Variants in NALF1 observed in about 807,000 individuals in gnomAD.
NALF1 encodes family with sequence similarity 155 member A.
Under a neutral mutation model 48.4 loss-of-function variants are expected in NALF1, and 3 were observed. That is an observed-to-expected ratio of 0.06 (90% CI 0.03 to 0.16). The LOEUF is 0.16. Among genes scored for constraint, NALF1 ranks in the 10% least tolerant of loss-of-function variants. The pLI, the probability that NALF1 is intolerant of heterozygous loss-of-function variation, is 1.00. For synonymous variants in NALF1, 262 were observed against 245.7 expected (o/e 1.07, Z -0.62); for missense variants, 526 against 571.5 (o/e 0.92, Z 0.81).
intron 1 of NALF1, among the ~76,000 whole-genome samples, chr13:107,664,976 CA>C (rs55837081): frequency 0.57 from 85,719 of 149,180 alleles, 25,182 homozygotes; most frequent in African/African-American, 0.73. Flanking sequence ...GAAAGTGAAA[CA>C]AAAAAAAAAT....
At chr13:107,605,580 A>G (rs890351340) in intron 1 of NALF1, among the ~76,000 whole-genome samples, 29 of 152,168 alleles carry the variant, frequency 1.9e-4, no homozygotes, top group African/African-American at 7.0e-4. Context: ...AAAAAAGATT[A>G]AAGAAAGCAG....
At chr13:107,654,143 T>C (rs1880517513) in intron 1 of NALF1, among the ~76,000 whole-genome samples, 1 of 151,940 alleles carries the variant, frequency 6.6e-6, no homozygotes, top group Admixed American at 6.6e-5. Context: ...ATTAGTGAGA[T>C]TATCCAAGAA....
intron 1 of NALF1, among the ~76,000 whole-genome samples, chr13:107,738,755 C>T (rs994081387): frequency 1.3e-5 from 2 of 150,238 alleles, no homozygotes; most frequent in Admixed American, 1.3e-4. Flanking sequence ...CAACCTCTGC[C>T]TCCTGGGGTC....
intron 1 of NALF1, among the ~76,000 whole-genome samples, chr13:107,443,475 C>A (rs955489503): frequency 2.0e-5 from 3 of 152,172 alleles, no homozygotes; most frequent in African/African-American, 4.8e-5. Context: ...CCTCGGCCTC[C>A]CATAGTGCTG....
intron 1 of NALF1, among the ~76,000 whole-genome samples, chr13:107,318,422 C>T (rs1444018948): frequency 6.6e-6 from 1 of 152,092 alleles, no homozygotes; most frequent in East Asian, 1.9e-4. Flanking sequence ...GTAATTCATT[C>T]TGCGGTGAGC....
At chr13:107,369,297 AT>A (rs1883207733) in intron 1 of NALF1, among the ~76,000 whole-genome samples, 1 of 152,194 alleles carries the variant, frequency 6.6e-6, no homozygotes. Flanking sequence ...CTATAAAAAA[AT>A]CTCAGTATCT....
chr13:107,751,228 A>T (rs1048191125), intron 1 of NALF1, among the ~76,000 whole-genome samples: 9 of 152,350 alleles, frequency 5.9e-5, no homozygotes, highest in Middle Eastern at 3.4e-3. Flanking sequence ...ACAACAAAAC[A>T]TCCAAATGTG....
intron 1 of NALF1, among the ~76,000 whole-genome samples, chr13:107,676,414 G>C (rs1881124394): frequency 6.6e-6 from 1 of 152,058 alleles, no homozygotes; most frequent in Non-Finnish European, 1.5e-5. Context: ...GCTTCCTTTA[G>C]GCATAGGACA....
At chr13:107,456,829 G>C (rs1884832410) in intron 1 of NALF1, among the ~76,000 whole-genome samples, 1 of 152,114 alleles carries the variant, frequency 6.6e-6, no homozygotes. Flanking sequence ...ATTTCCTTAA[G>C]AGGTAAGAGT....
At chr13:107,322,960 T>C (rs556294186) in intron 1 of NALF1, among the ~76,000 whole-genome samples, 44 of 152,294 alleles carry the variant, frequency 2.9e-4, no homozygotes, top group Middle Eastern at 3.4e-3. Context: ...CACCTGGATA[T>C]ACCCAGAGCT....
intron 1 of NALF1, among the ~76,000 whole-genome samples, chr13:107,591,760 A>G (rs536112361): frequency 4.7e-4 from 72 of 152,188 alleles, no homozygotes; most frequent in African/African-American, 1.6e-3. Flanking sequence ...GCGAAGATAT[A>G]TTTAACTCAA....
chr13:107,754,054 T>G (rs1436464003), intron 1 of NALF1, among the ~76,000 whole-genome samples: 1 of 152,152 alleles, frequency 6.6e-6, no homozygotes, highest in Non-Finnish European at 1.5e-5. Context: ...AAAGAGATTT[T>G]CTCTAATCCA....
chr13:107,348,849 C>T (rs923268360), intron 1 of NALF1, among the ~76,000 whole-genome samples: 1 of 152,186 alleles, frequency 6.6e-6, no homozygotes, highest in African/African-American at 2.4e-5. Flanking sequence ...ACAATTCAAC[C>T]ATAACACCTT....
chr13:107,788,184 T>C (rs2138584651), intron 1 of NALF1, among the ~76,000 whole-genome samples: 1 of 152,306 alleles, frequency 6.6e-6, no homozygotes, highest in South Asian at 2.1e-4. Flanking sequence ...CATCCTATCA[T>C]CCCAAAATTA....
intron 1 of NALF1, among the ~76,000 whole-genome samples, chr13:107,685,989 C>T (rs1284455191): frequency 6.6e-6 from 1 of 152,172 alleles, no homozygotes; most frequent in African/African-American, 2.4e-5. Flanking sequence ...ATATCATTTA[C>T]GATGGTGCCA....
rs397838456 is a variant in NALF1 at position 107,271,774 on chromosome 13, CTATATATA to C, written c.916-61027_916-61020del. 6.7e-3 allele frequency among the ~76,000 whole-genome samples: 184 copies of C among 27,614 alleles called. 4 individuals are homozygous for C. The highest frequency in any genetic ancestry group is 0.017 in the African/African-American group (177 of 10,336). 18.1% of individuals were successfully genotyped at this position (27,614 alleles called of 152,430 possible). A position where few individuals can be genotyped will look rare whatever the true frequency, so the allele number is the denominator to read the frequency against. On this transcript the variant is annotated intron_variant, in intron 1 of 2. Transcript: ENST00000375915. Reference sequence around the variant, plus strand: ...TTCCTTCTCCTCTTTTGCTACTGGACTATATATATATATATATATATATATATATATAT... The same window carrying C: ...TTCCTTCTCCTCTTTTGCTACTGGACTATATATATATATATATATATATAT...
chr13:107,388,997 A>T (rs1883576047), intron 1 of NALF1, among the ~76,000 whole-genome samples: 1 of 152,228 alleles, frequency 6.6e-6, no homozygotes, highest in Non-Finnish European at 1.5e-5. Flanking sequence ...GTGTCAGCAG[A>T]ATGCAATTCT....
chr13:107,663,573 T>C (rs1880782475), intron 1 of NALF1, among the ~76,000 whole-genome samples: 1 of 152,206 alleles, frequency 6.6e-6, no homozygotes, highest in African/African-American at 2.4e-5. Context: ...CGTGTGTGGA[T>C]TTTAATATCT....
chr13:107,811,536 A>T (rs1878991539), intron 1 of NALF1, among the ~76,000 whole-genome samples: 1 of 152,190 alleles, frequency 6.6e-6, no homozygotes, highest in Admixed American at 6.5e-5. Context: ...CAGGAAATGC[A>T]TATTATTAAT....
Sources: gnomAD v4.1 joint callset for allele counts (sites outside exome capture counted in the v4.1 genomes callset) on GRCh38, gnomAD v4.1.1 for gene constraint, MANE v1.5 for transcripts, NCBI Gene and HGNC (gene_info 2026-07-23, HGNC 2026-07-21) for gene names.